ATRX: variants seen among roughly 807,000 people sequenced by gnomAD.
ATRX encodes the protein chromatin remodeler ATRX.
ATRX carries 12 observed loss-of-function variants against 172.6 expected under a neutral mutation model. The observed-to-expected ratio is 0.07, with a 90% confidence interval of 0.04 to 0.11. ATRX has a LOEUF of 0.11. Among genes scored for constraint, ATRX ranks in the 10% least tolerant of loss-of-function variants. The pLI, the probability that ATRX is intolerant of heterozygous loss-of-function variation, is 1.00. For missense variants in ATRX, 1,368 were observed against 1,767.4 expected, an observed-to-expected ratio of 0.77 and a Z score of 4.05; for synonymous variants, 674 against 594.7, an observed-to-expected ratio of 1.13 and a Z score of -1.94.
chrX:77,569,340 C>G (rs563480522), intron 28 of ATRX, among the ~76,000 whole-genome samples: 1 of 110,963 alleles, frequency 9.0e-6, no homozygotes, highest in African/African-American at 3.3e-5. Flanking sequence ...CTGAAAATAT[C>G]GGAAGCAAAA....
At position 77,682,641 on chromosome X, in the gene ATRX, T is replaced by G. The variant is rs782162927; in HGVS notation, c.2615A>C (p.Gln872Pro). ...TTCAGCATCATCAGATGATCCTTCT[T>G]GTGAGGTCTTCAAATTTTTGTGCCC... Reference protein sequence around the residue: ...NQGHKNLKTSQEGSSDDAERK... With the variant: ...NQGHKNLKTSPEGSSDDAERK... The change falls in exon 9 of 35, where the codon CAA becomes CCA. Residue 872 changes from glutamine (Q) to proline (P), a missense_variant. Physicochemically the swap from Gln to Pro is moderately conservative, Grantham distance 76 (BLOSUM62 -1). Coordinates refer to ENST00000373344, the MANE Select transcript of ATRX (RefSeq NM_000489.6). 8.3e-7 allele frequency: 1 copy of G among 1,207,894 alleles called. No individual in the cohort carries two copies. Among genetic ancestry groups the G allele is most frequent in the African/African-American group, 1.8e-5 (1 of 57,137 alleles).
At chrX:77,599,342 A>G (rs1432320652) in intron 25 of ATRX, 69 bp downstream of exon 25, 17 of 1,146,183 alleles carry the variant, frequency 1.5e-5, no homozygotes, top group Non-Finnish European at 1.1e-5. Context: ...AGTGACTGAA[A>G]AAAGGACTAA....
At chrX:77,680,987 A>G (rs1362782243) in intron 9 of ATRX, among the ~76,000 whole-genome samples, 1 of 111,819 alleles carries the variant, frequency 8.9e-6, no homozygotes, top group Non-Finnish European at 1.9e-5. Flanking sequence ...CAGTGTTTTT[A>G]AAAGAAAAAC....
chrX:77,717,309 T>C, intron 1 of ATRX, 66 bp from the exon 2 acceptor site: 2 of 889,327 alleles, frequency 2.2e-6, no homozygotes, highest in Non-Finnish European at 3.3e-6. Context: ...ATTGTAAAGC[T>C]CTAGCAAACT....
chrX:77,558,251 A>T (rs782737172), intron 29 of ATRX, among the ~76,000 whole-genome samples: 1 of 111,238 alleles, frequency 9.0e-6, no homozygotes, highest in African/African-American at 3.3e-5. Flanking sequence ...AGGAAAGAAA[A>T]AAATAAAAGA....
At chrX:77,614,531 C>T (rs1371169020) in intron 22 of ATRX, among the ~76,000 whole-genome samples, 2 of 111,662 alleles carry the variant, frequency 1.8e-5, no homozygotes, top group African/African-American at 6.5e-5. Flanking sequence ...GCAAAGCCCC[C>T]TAAATTCTTA....
chrX:77,694,121 C>T (rs1347226005), intron 5 of ATRX, among the ~76,000 whole-genome samples, 184 bp from the exon 6 acceptor site: 1 of 111,963 alleles, frequency 8.9e-6, no homozygotes, highest in Non-Finnish European at 1.9e-5. Context: ...CAGGTGTCAA[C>T]AGTTTATTTG....
At chrX:77,724,363 G>A in intron 1 of ATRX, among the ~76,000 whole-genome samples, 1 of 108,762 alleles carries the variant, frequency 9.2e-6, no homozygotes, top group Admixed American at 9.9e-5. Flanking sequence ...AAACAATGCT[G>A]CCTACTCATT....
chrX:77,747,046 G>A (rs782085250), intron 1 of ATRX, among the ~76,000 whole-genome samples: 5 of 110,292 alleles, frequency 4.5e-5, no homozygotes, highest in African/African-American at 6.6e-5. Context: ...TGATCCACCC[G>A]CTTCGGCCTC....
chrX:77,663,902 G>C (rs2070073308), intron 11 of ATRX, among the ~76,000 whole-genome samples: 1 of 111,143 alleles, frequency 9.0e-6, no homozygotes, highest in Non-Finnish European at 1.9e-5. Flanking sequence ...GGGAGTTCAA[G>C]ACCAGCCTGA....
intron 22 of ATRX, among the ~76,000 whole-genome samples, chrX:77,603,298 G>C (rs2066751067): frequency 9.0e-6 from 1 of 110,844 alleles, no homozygotes; most frequent in African/African-American, 3.3e-5. Flanking sequence ...AAATGACATT[G>C]GTATTTTGAT....
intron 30 of ATRX, among the ~76,000 whole-genome samples, chrX:77,533,415 T>G (rs2063646571): frequency 8.9e-6 from 1 of 112,241 alleles, no homozygotes; most frequent in Non-Finnish European, 1.9e-5. Flanking sequence ...GAAAATGTGG[T>G]ACATATACCA....
chrX:77,641,478 G>A (rs1353067262), intron 15 of ATRX, among the ~76,000 whole-genome samples: 2 of 109,130 alleles, frequency 1.8e-5, no homozygotes, highest in East Asian at 2.9e-4. Flanking sequence ...CTACTCAGGA[G>A]GCTGAGGCAG....
At chrX:77,634,520 T>C in intron 17 of ATRX, 74 bp downstream of exon 17, 1 of 912,339 alleles carries the variant, frequency 1.1e-6, no homozygotes, top group Non-Finnish European at 1.6e-6. Context: ...CGACTGTGCC[T>C]GAAACATAAT....
Position 77,520,814 on chromosome X carries a change from T to C in ATRX, c.7174A>G (p.Asn2392Asp). ...LDVKRREAIY[N>D]DVLTKQQMLI... Reference sequence around the variant, plus strand: ...ATCTGTTGTTTTGTCAATACATCATTGTAGATTGCTTCTCTTCGTTTAACA... The same window carrying C: ...ATCTGTTGTTTTGTCAATACATCATCGTAGATTGCTTCTCTTCGTTTAACA... The change falls in exon 34 of 35, where the codon AAT becomes GAT. Residue 2392 changes from asparagine (N) to aspartate (D), a missense_variant. By Grantham distance (23) the Asn-to-Asp change is conservative. Transcript: ENST00000373344. 6 of 1,210,176 alleles carry C rather than the reference T, an allele frequency of 5.0e-6. No individual in the cohort carries two copies. Among genetic ancestry groups the C allele is most frequent in the Non-Finnish European group, 6.7e-6 (6 of 894,249 alleles).
intron 30 of ATRX, among the ~76,000 whole-genome samples, chrX:77,550,935 A>G (rs1474887738): frequency 1.8e-5 from 2 of 111,466 alleles, no homozygotes; most frequent in Non-Finnish European, 3.8e-5. Context: ...TTCAAGGAGA[A>G]CTACAAACCA....
At chrX:77,596,101 A>G (rs782382812) in intron 25 of ATRX, 1 of 112,116 alleles carries the variant, frequency 8.9e-6, no homozygotes, top group Non-Finnish European at 1.9e-5. Context: ...CAGCTACTAC[A>G]AAAGGATTAA....
intron 30 of ATRX, among the ~76,000 whole-genome samples, chrX:77,546,493 C>A (rs781858570): frequency 9.1e-6 from 1 of 109,916 alleles, no homozygotes; most frequent in South Asian, 3.9e-4. Context: ...AGCCAGGAAT[C>A]TGCATTTTTT....
At chrX:77,645,852 G>T (rs1165258609) in intron 15 of ATRX, among the ~76,000 whole-genome samples, 1 of 112,130 alleles carries the variant, frequency 8.9e-6, no homozygotes, top group Admixed American at 9.5e-5. Context: ...TGGAAGAGTA[G>T]AATTTTTGTA....
Sources: gnomAD v4.1 joint callset for allele counts (sites outside exome capture counted in the v4.1 genomes callset) on GRCh38, gnomAD v4.1.1 for gene constraint, MANE v1.5 for transcripts, NCBI Gene and HGNC (gene_info 2026-07-23, HGNC 2026-07-21) for gene names.